The following AKR1C2 variants were observed in gnomAD, a reference collection of about 807,000 sequenced individuals.
The protein encoded by AKR1C2 is 3-alpha-HSD3.
AKR1C2 carries 27 observed loss-of-function variants against 39.8 expected under a neutral mutation model. That is an observed-to-expected ratio of 0.68 (90% CI 0.50 to 0.93). AKR1C2 has a LOEUF of 0.93. Ranked by LOEUF, AKR1C2 falls within the 40% of genes least tolerant of loss-of-function variation. The pLI is 0.00. For synonymous variants in AKR1C2, 114 were observed against 137.9 expected (o/e 0.83, Z 1.22); for missense variants, 263 against 365.1 (o/e 0.72, Z 2.28).
intron 1 of AKR1C2, among the ~76,000 whole-genome samples, chr10:5,012,059 G>A (rs1418121279): frequency 6.6e-6 from 1 of 152,032 alleles, no homozygotes; most frequent in Non-Finnish European, 1.5e-5. Flanking sequence ...TGGGAGAAAG[G>A]GTAAACTAAG....
Position 4,998,773 on chromosome 10 carries a change from C to T in AKR1C2, c.448-26G>A, listed in dbSNP as rs551937366. ...CTGGGAAAAAGGAATTGTGAGGTAT[C>T]ATTTGTGTAGTCGACTGAAGAGCAA... On this transcript the variant is annotated intron_variant, in intron 4 of 8. Transcript: ENST00000380753. 5.1e-5 allele frequency: 82 copies of T among 1,612,586 alleles called. No individual in the cohort carries two copies. In the Middle Eastern group the frequency reaches 1.8e-3, roughly 36 times the overall value.
Position 4,988,386 on chromosome 10 carries a change from C to T in AKR1C2, c.*1610G>A, listed in dbSNP as rs1376276925. On this transcript the variant is annotated 3_prime_UTR_variant, in exon 9 of 9. Transcript: ENST00000380753. ...GGAGATGCAGAGTTCACATTATGAT[C>T]TTCCATTGAAGATTTGGAGGAAAAC... The T allele has an allele frequency of 6.6e-6, 1 of 151,800 alleles. No homozygotes were observed. The highest frequency in any genetic ancestry group is 1.5e-5 in the Non-Finnish European group (1 of 67,976). The allele number at this position is 151,800 out of a possible 1,614,324, so 9.4% of individuals were successfully genotyped here.
At chr10:5,016,385 A>C (rs1554775352) in intron 1 of AKR1C2, among the ~76,000 whole-genome samples, 1 of 152,240 alleles carries the variant, frequency 6.6e-6, no homozygotes, top group African/African-American at 2.4e-5. Context: ...AAAATGGAGA[A>C]ATTGGCCCAA....
intron 1 of AKR1C2, among the ~76,000 whole-genome samples, chr10:5,002,428 C>T (rs1232663638): frequency 6.6e-6 from 1 of 152,156 alleles, no homozygotes; most frequent in Non-Finnish European, 1.5e-5. Flanking sequence ...CTTTTCTACC[C>T]AGGTTTTGGC....
rs1381929737 is a variant in AKR1C2, at chr10:5,002,800, C to T, written c.84+952G>A. On this transcript the variant is annotated intron_variant, in intron 1 of 8. Coordinates refer to ENST00000380753, the MANE Select transcript of AKR1C2 (RefSeq NM_001393392.1). ...CTCATACCATCTTTGATCTTCTCTTCGCTGTGCAAGCAATCAAAGGCTTAC... is the reference window on the plus strand; with the variant it reads ...CTCATACCATCTTTGATCTTCTCTTTGCTGTGCAAGCAATCAAAGGCTTAC... 2.6e-5 allele frequency among the ~76,000 whole-genome samples: 4 copies of T among 152,298 alleles called. 1 individual carries two copies. The highest frequency in any genetic ancestry group is 4.1e-4 in the South Asian group (2 of 4,822).
At chr10:5,010,214 A>G (rs1411113737) in intron 1 of AKR1C2, 2 of 150,804 alleles carry the variant, frequency 1.3e-5, no homozygotes. Flanking sequence ...CCAGAGCCCA[A>G]AGCGCTCGCC....
chr10:5,012,838 A>C (rs1471251461), intron 1 of AKR1C2, among the ~76,000 whole-genome samples: 1 of 152,202 alleles, frequency 6.6e-6, no homozygotes, highest in Non-Finnish European at 1.5e-5. Context: ...TTTCTACTAG[A>C]TTCTTCCTAA....
chr10:5,008,649 G>A (rs868924540), upstream of AKR1C2, among the ~76,000 whole-genome samples: 15 of 152,240 alleles, frequency 9.9e-5, no homozygotes, highest in Admixed American at 2.0e-4. Context: ...TGGGAAGAGG[G>A]AGGAAAGCAG....
intron 5 of AKR1C2, 116 bp downstream of exon 5, chr10:4,998,509 T>C (rs1468422215): frequency 3.3e-6 from 5 of 1,531,544 alleles, no homozygotes; most frequent in Admixed American, 2.1e-5. Flanking sequence ...AGAGGCTTTG[T>C]TCTCTAGAAT....
intron 3 of AKR1C2, 176 bp from the exon 4 acceptor site, chr10:4,999,453 C>T (rs1204403500): frequency 2.8e-6 from 4 of 1,412,024 alleles, no homozygotes; most frequent in African/African-American, 1.4e-5. Context: ...CTTCAGGTGA[C>T]AGGCTTCCTC....
At chr10:5,008,273 G>GC (rs1554774602), upstream of AKR1C2, among the ~76,000 whole-genome samples, 1 of 139,606 alleles carries the variant, frequency 7.2e-6, no homozygotes, top group Non-Finnish European at 1.6e-5. Flanking sequence ...TCCAGACCCT[G>GC]AGCAGGTTTC....
At position 4,989,132 on chromosome 10, in the gene AKR1C2, T is replaced by C. The variant is rs1399905597; in HGVS notation, c.*864A>G. Reference sequence around the variant, plus strand: ...ACAGTACATTTTTACAATCTAAGAATATTTTCTAAATATGAGCTATTCAGG... The same window carrying C: ...ACAGTACATTTTTACAATCTAAGAACATTTTCTAAATATGAGCTATTCAGG... On this transcript the variant is annotated 3_prime_UTR_variant, in exon 9 of 9. Transcript: ENST00000380753. 1 of 152,212 alleles carries C rather than the reference T, an allele frequency of 6.6e-6. No homozygotes were observed. Among genetic ancestry groups the C allele is most frequent in the Non-Finnish European group, 1.5e-5 (1 of 68,042 alleles). The allele number at this position is 152,212 out of a possible 1,614,324, so 9.4% of individuals were successfully genotyped here. A position where few individuals can be genotyped will look rare whatever the true frequency, so the allele number is the denominator to read the frequency against.
chr10:5,015,594 A>G (rs1554775301), intron 1 of AKR1C2, among the ~76,000 whole-genome samples: 2 of 152,100 alleles, frequency 1.3e-5, no homozygotes, highest in Non-Finnish European at 2.9e-5. Context: ...CCAGTGATTC[A>G]CTGAGGGAGC....
At chr10:5,015,101 G>T (rs1438557764) in intron 1 of AKR1C2, 1 of 152,192 alleles carries the variant, frequency 6.6e-6, no homozygotes, top group Admixed American at 6.5e-5. Flanking sequence ...GTGTCCTTCA[G>T]ATCTGGTCGC....
rs1554772298 is a variant in AKR1C2 at position 4,991,879 on chromosome 10, T to G, written c.881A>C (p.Lys294Thr). Residue 294 changes from lysine to threonine, a missense_variant, in exon 8 of 9, where the codon AAA (lysine) becomes ACA (threonine). By Grantham distance (78) the Lys-to-Thr change is moderately conservative. Coordinates refer to ENST00000380753, the MANE Select transcript of AKR1C2 (RefSeq NM_001393392.1). ...ATTTCTGTTTAGGCCATCTATGGCT[T>G]TCATCTCCTCTGAAGTCAACTGGAA... Reference protein sequence around the residue: ...FEFQLTSEEMKAIDGLNRNVR... With the variant: ...FEFQLTSEEMTAIDGLNRNVR... 1.9e-6 allele frequency: 1 copy of G among 535,458 alleles called. No homozygotes were observed. Among genetic ancestry groups the G allele is most frequent in the East Asian group, 3.0e-5 (1 of 33,618 alleles). 33.2% of individuals were successfully genotyped at this position (535,458 alleles called of 1,614,324 possible).
At chr10:4,991,653 T>A in intron 8 of AKR1C2, among the ~76,000 whole-genome samples, 178 bp downstream of exon 8, 1 of 144,718 alleles carries the variant, frequency 6.9e-6, no homozygotes, top group Non-Finnish European at 1.5e-5. Context: ...CCCAGGCCAC[T>A]CTCCCTGCCA....
chr10:5,013,364 G>A (rs1332355573), intron 1 of AKR1C2: 17 of 152,120 alleles, frequency 1.1e-4, no homozygotes, highest in African/African-American at 2.7e-4. Context: ...ACACATAACC[G>A]TGTCATGGCT....
intron 4 of AKR1C2, 59 bp from the exon 5 acceptor site, chr10:4,998,806 G>A (rs1232237668): frequency 2.0e-5 from 32 of 1,606,416 alleles, no homozygotes; most frequent in Non-Finnish European, 2.5e-5. Flanking sequence ...CAAGATAAAT[G>A]TAACATAGAA....
At chr10:5,011,866 T>C (rs11252883) in intron 1 of AKR1C2, among the ~76,000 whole-genome samples, 18,645 of 152,144 alleles carry the variant, frequency 0.12, 1,252 homozygotes, top group Non-Finnish European at 0.13. Flanking sequence ...GTATGAAGTG[T>C]GTTAAAGTTA....
Sources: gnomAD v4.1 joint callset for allele counts (sites outside exome capture counted in the v4.1 genomes callset) on GRCh38, gnomAD v4.1.1 for gene constraint, MANE v1.5 for transcripts, NCBI Gene and HGNC (gene_info 2026-07-23, HGNC 2026-07-21) for gene names.